Variants in CDK14 observed in about 807,000 individuals in gnomAD.
CDK14 encodes cyclin-dependent kinase 14.
CDK14 carries 34 observed loss-of-function variants against 60.7 expected under a neutral mutation model. The ratio of observed to expected loss-of-function variants is 0.56; its 90% CI spans 0.43 to 0.75. CDK14 has a LOEUF of 0.75. Among genes scored for constraint, CDK14 ranks in the 30% least tolerant of loss-of-function variants. The probability of loss-of-function intolerance (pLI) is 0.00; values close to 1 mark genes in which losing one functional copy is unlikely to be tolerated. For missense variants in CDK14, 482 were observed against 564.1 expected (o/e 0.85, Z 1.47); for synonymous variants, 197 against 203.7 (o/e 0.97, Z 0.28).
At chr7:91,117,397 C>T (rs1425723070) in intron 13 of CDK14, among the ~76,000 whole-genome samples, 1 of 151,940 alleles carries the variant, frequency 6.6e-6, no homozygotes, top group Non-Finnish European at 1.5e-5. Context: ...GCCTGCTTCT[C>T]TTCTTGCCTC....
intron 10 of CDK14, among the ~76,000 whole-genome samples, chr7:91,016,716 T>C (rs1437147886): frequency 6.6e-6 from 1 of 152,220 alleles, no homozygotes; most frequent in African/African-American, 2.4e-5. Context: ...CTATGTATGC[T>C]AGGTAGTTTT....
intron 14 of CDK14, among the ~76,000 whole-genome samples, chr7:91,168,339 T>G (rs1232076707): frequency 6.6e-6 from 1 of 152,086 alleles, no homozygotes; most frequent in Non-Finnish European, 1.5e-5. Flanking sequence ...GTAATGTAGT[T>G]AGAACAGGGC....
chr7:91,062,684 C>T (rs1011592135), intron 11 of CDK14, among the ~76,000 whole-genome samples: 4 of 152,130 alleles, frequency 2.6e-5, no homozygotes, highest in South Asian at 2.1e-4. Context: ...TCAGGAGGTC[C>T]TCTCACTAGG....
chr7:90,687,045 G>GT (rs1329666487), intron 2 of CDK14, among the ~76,000 whole-genome samples: 7 of 151,844 alleles, frequency 4.6e-5, no homozygotes, highest in East Asian at 1.9e-4. Flanking sequence ...AGTTGTGATT[G>GT]AATTTTTTTT....
At chr7:90,717,009 C>T (rs1563055380) in intron 2 of CDK14, among the ~76,000 whole-genome samples, 2 of 152,042 alleles carry the variant, frequency 1.3e-5, no homozygotes, top group Admixed American at 6.6e-5. Context: ...AAGGGGTTAA[C>T]TTTTCCAGAT....
chr7:90,599,817 C>T (rs1181340528), intron 1 of CDK14, among the ~76,000 whole-genome samples: 1 of 152,134 alleles, frequency 6.6e-6, no homozygotes, highest in Non-Finnish European at 1.5e-5. Flanking sequence ...ATGTACAATA[C>T]TATTATTTAG....
intron 12 of CDK14, among the ~76,000 whole-genome samples, chr7:91,103,315 C>T (rs1320831359): frequency 6.6e-6 from 1 of 152,022 alleles, no homozygotes; most frequent in Admixed American, 6.6e-5. Context: ...ACCAGTGGAC[C>T]TCCTCTTTTT....
intron 6 of CDK14, among the ~76,000 whole-genome samples, chr7:90,896,686 T>G (rs1792347796): frequency 6.6e-6 from 1 of 152,200 alleles, no homozygotes; most frequent in Admixed American, 6.5e-5. Context: ...AATAAAAAGT[T>G]TGCTGAGACA....
chr7:90,821,503 C>T (rs930912755), intron 5 of CDK14, among the ~76,000 whole-genome samples: 4 of 152,196 alleles, frequency 2.6e-5, no homozygotes, highest in Admixed American at 1.3e-4. Flanking sequence ...CTCCTCTCTG[C>T]CTCCTCAAGG....
At chr7:90,962,210 G>A (rs1794622144) in intron 9 of CDK14, among the ~76,000 whole-genome samples, 1 of 152,170 alleles carries the variant, frequency 6.6e-6, no homozygotes, top group Non-Finnish European at 1.5e-5. Flanking sequence ...TGTGGGGCTG[G>A]GCATGGTGGC....
chr7:90,696,571 G>A (rs1056038916), intron 2 of CDK14, among the ~76,000 whole-genome samples: 2 of 151,860 alleles, frequency 1.3e-5, no homozygotes, highest in African/African-American at 4.8e-5. Flanking sequence ...CACCTCAGCC[G>A]TTTTGTACAG....
chr7:91,016,449 T>C (rs914099235), intron 10 of CDK14, among the ~76,000 whole-genome samples: 1 of 152,194 alleles, frequency 6.6e-6, no homozygotes, highest in Non-Finnish European at 1.5e-5. Context: ...ATGAACTAGA[T>C]AGATACTTAA....
intron 8 of CDK14, among the ~76,000 whole-genome samples, chr7:90,952,019 A>T (rs1178684145): frequency 1.3e-5 from 2 of 152,222 alleles, no homozygotes; most frequent in African/African-American, 2.4e-5. Context: ...GCGTATGTGT[A>T]TATAACCATA....
At chr7:90,653,039 C>G (rs1315192801) in intron 2 of CDK14, among the ~76,000 whole-genome samples, 1 of 152,146 alleles carries the variant, frequency 6.6e-6, no homozygotes, top group Non-Finnish European at 1.5e-5. Flanking sequence ...CACTCTTGCC[C>G]TTTGGTTCTA....
chr7:90,768,642 T>C (rs1804663326), intron 4 of CDK14, among the ~76,000 whole-genome samples: 1 of 152,230 alleles, frequency 6.6e-6, no homozygotes, highest in African/African-American at 2.4e-5. Flanking sequence ...GTATTTTCTT[T>C]TTAGTCACTC....
chr7:90,709,154 T>C (rs1801970944), intron 2 of CDK14: 1 of 202,034 alleles, frequency 4.9e-6, no homozygotes, highest in Non-Finnish European at 9.9e-6. Context: ...ATGCTGCACC[T>C]GTGCTTTTTT....
intron 8 of CDK14, among the ~76,000 whole-genome samples, chr7:90,936,459 A>G (rs1439211814): frequency 2.0e-5 from 3 of 152,216 alleles, no homozygotes; most frequent in African/African-American, 7.2e-5. Flanking sequence ...ATGTACTACT[A>G]AGATTTTTAA....
intron 12 of CDK14, among the ~76,000 whole-genome samples, chr7:91,095,238 C>A (rs1304420363): frequency 6.6e-6 from 1 of 152,186 alleles, no homozygotes; most frequent in Non-Finnish European, 1.5e-5. Context: ...TAATCCGTGT[C>A]CTTAGCGCCT....
chr7:90,645,321 A>G (rs975581788), intron 2 of CDK14, among the ~76,000 whole-genome samples: 3 of 151,522 alleles, frequency 2.0e-5, no homozygotes, highest in African/African-American at 7.3e-5. Context: ...GTTTCAGTCC[A>G]CAAATGAATC....
Sources: allele counts gnomAD v4.1 joint callset (sites outside exome capture counted in the v4.1 genomes callset), GRCh38; gene constraint gnomAD v4.1.1; transcripts MANE v1.5; gene names NCBI Gene and HGNC (gene_info 2026-07-23, HGNC 2026-07-21).